PLXDC1: variants seen among roughly 807,000 people sequenced by gnomAD.
PLXDC1 encodes plexin domain containing 1.
PLXDC1 carries 39 observed loss-of-function variants against 61.3 expected under a neutral mutation model. The observed-to-expected ratio is 0.64, with a 90% confidence interval of 0.49 to 0.83. The LOEUF (loss-of-function observed/expected upper bound fraction) is 0.83, where lower values mean the gene tolerates loss of function less well. Ranked by LOEUF, PLXDC1 falls within the 40% of genes least tolerant of loss-of-function variation. The probability of loss-of-function intolerance (pLI) is 0.00; values close to 1 mark genes in which losing one functional copy is unlikely to be tolerated. For missense variants in PLXDC1, 596 were observed against 666.5 expected, an observed-to-expected ratio of 0.89 and a Z score of 1.17; for synonymous variants, 212 against 254.5, an observed-to-expected ratio of 0.83 and a Z score of 1.59.
chr17:39,076,785 G>C (rs1027731447), intron 11 of PLXDC1, among the ~76,000 whole-genome samples: 1 of 152,120 alleles, frequency 6.6e-6, no homozygotes, highest in Middle Eastern at 3.2e-3. Flanking sequence ...ACCCAGGCTG[G>C]AGTGCAGTGG....
At chr17:39,098,640 C>T (rs1006986408) in intron 7 of PLXDC1, among the ~76,000 whole-genome samples, 2 of 152,146 alleles carry the variant, frequency 1.3e-5, no homozygotes, top group African/African-American at 4.8e-5. Context: ...AAAGTATCAG[C>T]GAAGTGCCGG....
At chr17:39,075,518 G>T (rs781024576) in intron 11 of PLXDC1, among the ~76,000 whole-genome samples, 44 of 152,140 alleles carry the variant, frequency 2.9e-4, no homozygotes, top group Non-Finnish European at 5.9e-4. Context: ...ATCCCTTCTT[G>T]GCTGTGTGAC....
Position 39,077,915 on chromosome 17 carries a change from T to G in PLXDC1, c.1184A>C (p.Glu395Ala). The G allele has an allele frequency of 6.2e-7, 1 of 1,614,070 alleles. No individual in the cohort carries two copies. The highest frequency in any genetic ancestry group is 1.1e-5 in the South Asian group (1 of 91,082). The change falls in exon 11 of 14, where the codon GAA (glutamate) becomes GCA (alanine). Residue 395 changes from glutamate (E) to alanine (A), a missense_variant and splice_region_variant. By Grantham distance (107) the Glu-to-Ala change is moderately radical. Coordinates refer to ENST00000315392, the MANE Select transcript of PLXDC1 (RefSeq NM_020405.5). ...CCCCTCCTGGGCTCAGAACTTACCT[T>G]CTGTGGTGAGGCTGTCGATGAAGAG... ...SSLFIDSLTT[E>A]DDTKLNPYAG...
At chr17:39,140,705 T>A (rs1380208200) in intron 1 of PLXDC1, among the ~76,000 whole-genome samples, 1 of 152,196 alleles carries the variant, frequency 6.6e-6, no homozygotes, top group African/African-American at 2.4e-5. Context: ...CCAAACCAGT[T>A]TCTTATTTCT....
Position 39,125,429 on chromosome 17 carries a change from T to A in PLXDC1, c.255+14225A>T, listed in dbSNP as rs143222175. ...GGACTGGCATTGGGGGTATTAAGCA[T>A]TTCTTAATACCCCTAACAGTTCATG... On this transcript the variant is annotated intron_variant, in intron 2 of 13. Coordinates refer to ENST00000315392, the MANE Select transcript of PLXDC1 (RefSeq NM_020405.5). 2.2e-4 allele frequency among the ~76,000 whole-genome samples: 33 copies of A among 152,076 alleles called. No individual in the cohort carries two copies. The East Asian group carries it at 6.2e-3, about 29-fold the overall frequency.
rs1488943045 is a variant in PLXDC1, at chr17:39,105,922, G to A, written c.743C>T (p.Ser248Phe). The change falls in exon 7 of 14, where the codon TCC (serine) becomes TTC (phenylalanine). Residue 248 changes from serine to phenylalanine, a missense_variant. Coordinates refer to ENST00000315392, the MANE Select transcript of PLXDC1 (RefSeq NM_020405.5). ...TAGGCCGGTTTTGACAGGATGCTGG[G>A]AGGAGCTGATTTCCGGGACAGACAT... is the stretch of plus-strand genomic sequence containing the variant. ...IPMSVPEISS[S>F]QHPVKTGLSD... is the part of the protein sequence containing the mutation. The A allele has an allele frequency of 1.9e-6, 3 of 1,613,906 alleles. No homozygotes were observed. The highest frequency in any genetic ancestry group is 2.5e-6 in the Non-Finnish European group (3 of 1,179,914).
At position 39,098,898 on chromosome 17, in the gene PLXDC1, G is replaced by A. The variant is rs905531487; in HGVS notation, c.811+6956C>T. Among the ~76,000 whole-genome samples the A allele has an allele frequency of 6.6e-5, 10 of 152,118 alleles. No individual in the cohort carries two copies. The South Asian group carries it at 1.7e-3, about 25-fold the overall frequency. ...GAGCGGAGGGAGGGTTTGGAAATGC[G>A]CCTGCGTGGTTGACTGCACCCAGCT... On this transcript the variant is annotated intron_variant, in intron 7 of 13. Transcript: ENST00000315392.
At chr17:39,128,945 G>T (rs1478424897) in intron 2 of PLXDC1, among the ~76,000 whole-genome samples, 1 of 151,710 alleles carries the variant, frequency 6.6e-6, no homozygotes. Flanking sequence ...GGTAGGTGGA[G>T]GTTGCAGTGA....
chr17:39,129,241 C>T (rs1205740120), intron 2 of PLXDC1, among the ~76,000 whole-genome samples: 1 of 151,396 alleles, frequency 6.6e-6, no homozygotes, highest in Admixed American at 6.6e-5. Context: ...TTGCTTGAAC[C>T]CAGGAGACAG....
At chr17:39,107,963 C>A in intron 5 of PLXDC1, 160 bp downstream of exon 5, 1 of 831,990 alleles carries the variant, frequency 1.2e-6, no homozygotes. Flanking sequence ...GGCATTTTTG[C>A]CCCTATCTGA....
At chr17:39,076,395 G>A (rs552094780) in intron 11 of PLXDC1, among the ~76,000 whole-genome samples, 112 of 150,064 alleles carry the variant, frequency 7.5e-4, no homozygotes, top group Middle Eastern at 7.0e-3. Context: ...CCTGCAGTCC[G>A]AGCTGCTTGG....
At chr17:39,076,091 G>GAAAAAAAAAAAA (rs113083788) in intron 11 of PLXDC1, among the ~76,000 whole-genome samples, 1 of 88,616 alleles carries the variant, frequency 1.1e-5, no homozygotes, top group Non-Finnish European at 2.4e-5. Flanking sequence ...AAAAAAAAAA[G>GAAAAAAAAAAAA]AAAAAAAAAA....
chr17:39,099,472 G>A (rs949620005), intron 7 of PLXDC1, among the ~76,000 whole-genome samples: 13 of 152,156 alleles, frequency 8.5e-5, no homozygotes, highest in African/African-American at 3.1e-4. Context: ...TGGGATGCAG[G>A]ATAGGGAAGG....
intron 2 of PLXDC1, among the ~76,000 whole-genome samples, chr17:39,120,229 G>A (rs182242925): frequency 3.9e-5 from 6 of 152,274 alleles, no homozygotes; most frequent in Admixed American, 3.9e-4. Context: ...TCGGCTCACG[G>A]CAACCTCTGC....
At chr17:39,135,896 T>C (rs1232255947) in intron 2 of PLXDC1, among the ~76,000 whole-genome samples, 1 of 152,208 alleles carries the variant, frequency 6.6e-6, no homozygotes, top group Non-Finnish European at 1.5e-5. Context: ...GAATCCATAC[T>C]GGCTCTTAAT....
intron 8 of PLXDC1, among the ~76,000 whole-genome samples, chr17:39,085,537 C>A (rs1406044702): frequency 6.6e-6 from 1 of 152,110 alleles, no homozygotes; most frequent in African/African-American, 2.4e-5. Context: ...TGGGTTTGAA[C>A]CAAGGTCTGT....
chr17:39,151,607 A>G lies in PLXDC1; in HGVS notation c.-170T>C. On this transcript the variant is annotated 5_prime_UTR_variant, in exon 1 of 14. Coordinates refer to ENST00000315392, the MANE Select transcript of PLXDC1 (RefSeq NM_020405.5). The surrounding 1 kb of genome is among the most constrained non-coding windows in gnomAD (Gnocchi z 5.2). The stretch of plus-strand genomic sequence containing the variant: ...AGCCGGCAGGAGCGGCGAGAGCGCG[A>G]GCGGAGCTGGAGGCTGCGGCCTCCG... 9.1e-7 allele frequency: 1 copy of G among 1,101,804 alleles called. No homozygotes were observed. 68.3% of individuals were successfully genotyped at this position (1,101,804 alleles called of 1,614,324 possible).
At chr17:39,095,982 T>C (rs1366516434) in intron 7 of PLXDC1, among the ~76,000 whole-genome samples, 2 of 152,184 alleles carry the variant, frequency 1.3e-5, no homozygotes, top group East Asian at 1.9e-4. Context: ...GTAATGTTAA[T>C]GGTTCAAGTG....
chr17:39,076,861 G>A (rs760065320), intron 11 of PLXDC1, among the ~76,000 whole-genome samples: 1 of 152,000 alleles, frequency 6.6e-6, no homozygotes, highest in Non-Finnish European at 1.5e-5. Flanking sequence ...TCAGCCTCCC[G>A]AGTAGCTGGG....
Sources: gnomAD v4.1 joint callset for allele counts (sites outside exome capture counted in the v4.1 genomes callset) on GRCh38, gnomAD v4.1.1 for gene constraint, Gnocchi (gnomAD v3.1) non-coding constraint, MANE v1.5 for transcripts, NCBI Gene and HGNC (gene_info 2026-07-23, HGNC 2026-07-21) for gene names.